GPC5: variants seen among roughly 807,000 people sequenced by gnomAD.
The protein encoded by GPC5 is glypican 5.
In GPC5, 47 loss-of-function variants were observed where a neutral mutation model predicts 53.9. The ratio of observed to expected loss-of-function variants is 0.87; its 90% CI spans 0.69 to 1.11. The LOEUF is 1.11. Ranked by LOEUF, GPC5 falls within the 50% of genes most tolerant of loss-of-function variation. The pLI, the probability that GPC5 is intolerant of heterozygous loss-of-function variation, is 0.00. For missense variants in GPC5, 748 were observed against 713.1 expected, an observed-to-expected ratio of 1.05 and a Z score of -0.56; for synonymous variants, 286 against 263.3, an observed-to-expected ratio of 1.09 and a Z score of -0.84.
intron 7 of GPC5, among the ~76,000 whole-genome samples, chr13:92,809,103 T>C (rs1280521919): frequency 1.3e-5 from 2 of 152,272 alleles, no homozygotes; most frequent in East Asian, 3.9e-4. Flanking sequence ...TGCTTCATTT[T>C]GCCTCAGTTC....
At chr13:92,262,779 G>A (rs2042775717) in intron 7 of GPC5, among the ~76,000 whole-genome samples, 1 of 152,166 alleles carries the variant, frequency 6.6e-6, no homozygotes, top group Non-Finnish European at 1.5e-5. Context: ...TAAAAGTAAT[G>A]TAAATATGCT....
intron 7 of GPC5, among the ~76,000 whole-genome samples, chr13:92,678,290 AGGTGGT>A (rs1409934708): frequency 6.6e-6 from 1 of 152,212 alleles, no homozygotes; most frequent in Non-Finnish European, 1.5e-5. Context: ...TAATTATGTC[AGGTGGT>A]GGTAAGTGCT....
At chr13:91,452,031 A>G (rs1391785001) in intron 2 of GPC5, among the ~76,000 whole-genome samples, 1 of 151,824 alleles carries the variant, frequency 6.6e-6, no homozygotes, top group Non-Finnish European at 1.5e-5. Context: ...TGCCCAGTCC[A>G]AAGTGCAATG....
chr13:92,772,059 A>C (rs1274591496), intron 7 of GPC5, among the ~76,000 whole-genome samples: 1 of 152,154 alleles, frequency 6.6e-6, no homozygotes, highest in East Asian at 1.9e-4. Flanking sequence ...TCCAACAGAA[A>C]ATCCTGTAGA....
chr13:91,678,432 T>C (rs1211706852), intron 2 of GPC5, among the ~76,000 whole-genome samples: 4 of 152,208 alleles, frequency 2.6e-5, no homozygotes, highest in African/African-American at 9.6e-5. Flanking sequence ...TAGCCATTGC[T>C]ATAAAGCTAA....
intron 7 of GPC5, among the ~76,000 whole-genome samples, chr13:92,227,867 T>C (rs1168622033): frequency 6.6e-6 from 1 of 152,146 alleles, no homozygotes; most frequent in African/African-American, 2.4e-5. Context: ...TCCACAGAAC[T>C]TAACTACTGA....
intron 7 of GPC5, among the ~76,000 whole-genome samples, chr13:92,680,495 GA>G: frequency 6.6e-6 from 1 of 152,088 alleles, no homozygotes; most frequent in Non-Finnish European, 1.5e-5. Context: ...GAAGCAAAAA[GA>G]ACATGTAATA....
chr13:92,292,457 G>T (rs2043004465), intron 7 of GPC5, among the ~76,000 whole-genome samples: 1 of 152,136 alleles, frequency 6.6e-6, no homozygotes, highest in South Asian at 2.1e-4. Flanking sequence ...TCTTACATTT[G>T]TTGGCCATTT....
intron 6 of GPC5, among the ~76,000 whole-genome samples, chr13:92,067,571 G>A (rs2041177350): frequency 6.6e-6 from 1 of 151,942 alleles, no homozygotes; most frequent in South Asian, 2.1e-4. Context: ...GGTAATTGTG[G>A]TTAATATTTA....
At chr13:91,918,623 C>G (rs2039682053) in intron 6 of GPC5, among the ~76,000 whole-genome samples, 1 of 152,170 alleles carries the variant, frequency 6.6e-6, no homozygotes, top group African/African-American at 2.4e-5. Context: ...CGTCATTCCC[C>G]TGAAATACTT....
chr13:92,227,743 A>G (rs1195432866), intron 7 of GPC5, among the ~76,000 whole-genome samples: 1 of 151,928 alleles, frequency 6.6e-6, no homozygotes, highest in African/African-American at 2.4e-5. Flanking sequence ...GTATAACTTA[A>G]TTTTTTTCTT....
chr13:92,727,434 G>A (rs373215282), intron 7 of GPC5, among the ~76,000 whole-genome samples: 174 of 151,476 alleles, frequency 1.1e-3, no homozygotes, highest in African/African-American at 4.1e-3. Context: ...TCCAGATGTT[G>A]AAGTTGTTCA....
chr13:92,648,989 C>G (rs1191179399), intron 7 of GPC5, among the ~76,000 whole-genome samples: 1 of 152,088 alleles, frequency 6.6e-6, no homozygotes, highest in Non-Finnish European at 1.5e-5. Flanking sequence ...CTTCAGTATG[C>G]AACAGGTTTC....
intron 5 of GPC5, among the ~76,000 whole-genome samples, chr13:91,805,614 G>A (rs1241727713): frequency 6.6e-6 from 1 of 152,174 alleles, no homozygotes; most frequent in East Asian, 1.9e-4. Flanking sequence ...AATTTAAAGT[G>A]CTGCTAAAAT....
At chr13:91,680,449 A>AAAAC (rs944524654) in intron 2 of GPC5, among the ~76,000 whole-genome samples, 1 of 152,186 alleles carries the variant, frequency 6.6e-6, no homozygotes, top group South Asian at 2.1e-4. Context: ...ACTCCATCTC[A>AAAAC]AAACAAACAA....
intron 5 of GPC5, among the ~76,000 whole-genome samples, chr13:91,825,745 C>A (rs1364501627): frequency 6.6e-6 from 1 of 152,024 alleles, no homozygotes; most frequent in African/African-American, 2.4e-5. Context: ...CCAAAAGCCA[C>A]AGACTTACTG....
At chr13:91,518,427 A>G (rs141397909) in intron 2 of GPC5, among the ~76,000 whole-genome samples, 1 of 152,186 alleles carries the variant, frequency 6.6e-6, no homozygotes, top group African/African-American at 2.4e-5. Flanking sequence ...GACAATTCGT[A>G]TTTAAATAAT....
chr13:91,801,772 T>G (rs2038139976), intron 5 of GPC5, among the ~76,000 whole-genome samples: 3 of 152,204 alleles, frequency 2.0e-5, no homozygotes, highest in South Asian at 4.1e-4. Flanking sequence ...TAAGTTGATG[T>G]GGGCAAAGTC....
intron 7 of GPC5, among the ~76,000 whole-genome samples, chr13:92,459,434 A>C (rs1878397576): frequency 6.6e-6 from 1 of 152,174 alleles, no homozygotes; most frequent in Admixed American, 6.5e-5. Flanking sequence ...CTGTTCATCA[A>C]AGAGTAATTT....
Sources: gnomAD v4.1 joint callset for allele counts (sites outside exome capture counted in the v4.1 genomes callset) on GRCh38, gnomAD v4.1.1 for gene constraint, MANE v1.5 for transcripts, NCBI Gene and HGNC (gene_info 2026-07-23, HGNC 2026-07-21) for gene names.